Variants in ADGRL3 observed in about 807,000 individuals in gnomAD.
The protein encoded by ADGRL3 is calcium-independent alpha-latrotoxin receptor 3.
Under a neutral mutation model 153.5 loss-of-function variants are expected in ADGRL3, and 62 were observed. The ratio of observed to expected loss-of-function variants is 0.40; its 90% CI spans 0.33 to 0.50. The LOEUF (loss-of-function observed/expected upper bound fraction) is 0.50. ADGRL3 is among the 20% of genes least tolerant of loss of function. The pLI, the probability that ADGRL3 is intolerant of heterozygous loss-of-function variation, is 0.47. For synonymous variants in ADGRL3, 710 were observed against 672.5 expected, an observed-to-expected ratio of 1.06 and a Z score of -0.86; for missense variants, 1,641 against 1,859.4, an observed-to-expected ratio of 0.88 and a Z score of 2.16.
At chr4:61,331,354 C>A (rs2095568923) in intron 1 of ADGRL3, among the ~76,000 whole-genome samples, 1 of 152,110 alleles carries the variant, frequency 6.6e-6, no homozygotes, top group African/African-American at 2.4e-5. Context: ...GATACTTATA[C>A]CAACAATATT....
Position 62,075,568 on chromosome 4 carries a change from TTTAA to T in ADGRL3, c.*4664_*4667del, listed in dbSNP as rs1387898427. 2.6e-5 allele frequency: 4 copies of T among 152,334 alleles called. No homozygotes were observed. The South Asian group carries it at 6.2e-4, about 24-fold the overall frequency. 9.4% of individuals were successfully genotyped at this position (152,334 alleles called of 1,614,324 possible). Reference sequence around the variant, plus strand: ...TACATTGTAGACCAAGGTGTTAAAATTTAATTAGTTCATTTTTAGTAATTCATAA... The same window carrying T: ...TACATTGTAGACCAAGGTGTTAAAATTTAGTTCATTTTTAGTAATTCATAA... On this transcript the variant is annotated 3_prime_UTR_variant, in exon 27 of 27. Coordinates refer to ENST00000683033, the MANE Select transcript of ADGRL3 (RefSeq NM_001387552.1).
chr4:61,653,280 C>G (rs2094332805), intron 5 of ADGRL3, among the ~76,000 whole-genome samples: 7 of 152,012 alleles, frequency 4.6e-5, no homozygotes, highest in Admixed American at 4.6e-4. Flanking sequence ...AGAAACCAAG[C>G]CTGCTGGGCC....
At chr4:61,535,565 C>T (rs1362796725) in intron 4 of ADGRL3, among the ~76,000 whole-genome samples, 1 of 151,976 alleles carries the variant, frequency 6.6e-6, no homozygotes, top group Non-Finnish European at 1.5e-5. Flanking sequence ...CCACCTGGTC[C>T]TGGGATTCTT....
intron 1 of ADGRL3, among the ~76,000 whole-genome samples, chr4:61,354,797 A>G (rs1578402048): frequency 6.6e-6 from 1 of 152,068 alleles, no homozygotes; most frequent in African/African-American, 2.4e-5. Context: ...TATCAGCATG[A>G]CCTTGCCAAG....
chr4:61,230,401 A>G (rs537488330), intron 1 of ADGRL3, among the ~76,000 whole-genome samples: 11 of 152,300 alleles, frequency 7.2e-5, no homozygotes, highest in South Asian at 4.1e-4. Flanking sequence ...GCCTTTCCCT[A>G]TGATTTCTGA....
chr4:61,864,756 C>A (rs115543458), intron 9 of ADGRL3, among the ~76,000 whole-genome samples: 2,850 of 152,122 alleles, frequency 0.019, 93 homozygotes, highest in African/African-American at 0.064. Context: ...GGTGCTGAAC[C>A]AACTGAGAAA....
intron 5 of ADGRL3, among the ~76,000 whole-genome samples, chr4:61,654,665 A>C (rs2094389474): frequency 6.6e-6 from 1 of 152,066 alleles, no homozygotes; most frequent in South Asian, 2.1e-4. Flanking sequence ...TTGGGAGGCC[A>C]AGGTGGGCAG....
intron 4 of ADGRL3, among the ~76,000 whole-genome samples, chr4:61,550,794 G>C (rs1442817196): frequency 1.3e-5 from 2 of 151,986 alleles, no homozygotes; most frequent in Non-Finnish European, 2.9e-5. Flanking sequence ...AATTGATTTG[G>C]AGAGGCTGGC....
intron 2 of ADGRL3, among the ~76,000 whole-genome samples, chr4:61,392,641 G>C (rs1052587305): frequency 8.0e-6 from 1 of 124,236 alleles, no homozygotes; most frequent in Admixed American, 1.1e-4. Context: ...AGCCCAGATT[G>C]CGCCACTGCG....
chr4:61,707,327 G>A (rs774304189), intron 6 of ADGRL3, among the ~76,000 whole-genome samples: 3 of 152,158 alleles, frequency 2.0e-5, no homozygotes, highest in East Asian at 1.9e-4. Flanking sequence ...AAAACATGGC[G>A]CCAATTGACT....
chr4:61,369,159 A>G (rs958808488), intron 1 of ADGRL3, among the ~76,000 whole-genome samples: 1 of 152,168 alleles, frequency 6.6e-6, no homozygotes, highest in South Asian at 2.1e-4. Context: ...TAGATATACA[A>G]TCATGTCATC....
chr4:62,030,454 G>A (rs999820067), intron 22 of ADGRL3, among the ~76,000 whole-genome samples: 4 of 151,568 alleles, frequency 2.6e-5, no homozygotes, highest in East Asian at 3.9e-4. Flanking sequence ...ATACTTGGGA[G>A]TTGAGAAGGA....
At chr4:61,903,187 T>C (rs1274210070) in intron 11 of ADGRL3, among the ~76,000 whole-genome samples, 1 of 152,226 alleles carries the variant, frequency 6.6e-6, no homozygotes, top group Non-Finnish European at 1.5e-5. Context: ...CCTTACTTTT[T>C]ATGTATCATA....
At chr4:61,387,735 T>C (rs1172963083) in intron 2 of ADGRL3, among the ~76,000 whole-genome samples, 2 of 152,144 alleles carry the variant, frequency 1.3e-5, no homozygotes, top group Non-Finnish European at 2.9e-5. Context: ...TTCATATTGT[T>C]TAAACACACA....
chr4:61,224,643 G>T (rs1413907565), intron 1 of ADGRL3, among the ~76,000 whole-genome samples: 1 of 152,190 alleles, frequency 6.6e-6, no homozygotes, highest in African/African-American at 2.4e-5. Context: ...GTGCAGACAT[G>T]AACACACAAC....
chr4:61,283,001 CA>C (rs1210865159), intron 1 of ADGRL3, among the ~76,000 whole-genome samples: 1 of 152,026 alleles, frequency 6.6e-6, no homozygotes, highest in East Asian at 1.9e-4. Context: ...GTAGAATTCT[CA>C]CAGTGGATAT....
At chr4:61,969,508 T>G (rs1285501750) in intron 17 of ADGRL3, among the ~76,000 whole-genome samples, 1 of 152,156 alleles carries the variant, frequency 6.6e-6, no homozygotes, top group African/African-American at 2.4e-5. Context: ...AACACAGTTG[T>G]TTAGCCTTTT....
intron 9 of ADGRL3, among the ~76,000 whole-genome samples, chr4:61,818,106 C>G (rs1254979645): frequency 6.6e-6 from 1 of 152,164 alleles, no homozygotes; most frequent in Non-Finnish European, 1.5e-5. Context: ...AAACTCTTAT[C>G]TGAGACAAGG....
intron 5 of ADGRL3, among the ~76,000 whole-genome samples, chr4:61,603,077 A>G (rs1252301642): frequency 6.6e-6 from 1 of 152,156 alleles, no homozygotes; most frequent in Non-Finnish European, 1.5e-5. Flanking sequence ...TTTTTACAGA[A>G]GGGGGTTTAT....
Sources: allele counts gnomAD v4.1 joint callset (sites outside exome capture counted in the v4.1 genomes callset), GRCh38; gene constraint gnomAD v4.1.1; transcripts MANE v1.5; gene names NCBI Gene and HGNC (gene_info 2026-07-23, HGNC 2026-07-21).